FAIM2: variants seen among roughly 807,000 people sequenced by gnomAD.
FAIM2 encodes the protein Fas apoptotic inhibitory molecule 2, also known as protein lifeguard 2.
A neutral mutation model predicts 47.4 loss-of-function variants in FAIM2; 27 were observed. The observed-to-expected ratio is 0.57, with a 90% CI of 0.42 to 0.78. The LOEUF is 0.78. FAIM2 is among the 30% of genes least tolerant of loss of function. The pLI is 0.00. For missense variants in FAIM2, 311 were observed against 389.4 expected, an observed-to-expected ratio of 0.80 and a Z score of 1.69; for synonymous variants, 156 against 159.3, an observed-to-expected ratio of 0.98 and a Z score of 0.16.
In FAIM2 at chr12:49,890,668, C is replaced by T. The variant is rs1174586462; in HGVS notation, c.525+15G>A. 2.5e-6 allele frequency: 4 copies of T among 1,613,302 alleles called. No individual in the cohort carries two copies. Among genetic ancestry groups the T allele is most frequent in the South Asian group, 1.1e-5 (1 of 91,062 alleles). On this transcript the variant is annotated intron_variant, in intron 7 of 11. Coordinates refer to ENST00000320634, the MANE Select transcript of FAIM2 (RefSeq NM_012306.4). ...CCACTCAGCGTCTGTCCTCAGCACA[C>T]CCAGGATCACTTACAAAGACGGTCA...
At chr12:49,882,792 TG>T (rs1946835318) in intron 11 of FAIM2, among the ~76,000 whole-genome samples, 1 of 152,142 alleles carries the variant, frequency 6.6e-6, no homozygotes, top group Non-Finnish European at 1.5e-5. Flanking sequence ...AAACATCTCC[TG>T]GGTACCTACT....
chr12:49,878,782 A>G lies in FAIM2; in HGVS notation c.802-8129T>C, dbSNP rs1347789189. The stretch of plus-strand genomic sequence containing the variant: ...TATATTTATTTGTGTGCATGAGTGT[A>G]TGTGTGCCTGTGTGTATATGTGTGC... On this transcript the variant is annotated intron_variant, in intron 11 of 11. Coordinates refer to ENST00000320634, the MANE Select transcript of FAIM2 (RefSeq NM_012306.4). 4.0e-5 allele frequency among the ~76,000 whole-genome samples: 4 copies of G among 101,168 alleles called. 1 individual carries two copies. The highest frequency in any genetic ancestry group is 4.8e-5 in the African/African-American group (1 of 20,832). 66.4% of individuals were successfully genotyped at this position (101,168 alleles called of 152,430 possible). A position where few individuals can be genotyped will look rare whatever the true frequency, so the allele number is the denominator to read the frequency against.
chr12:49,895,976 A>T (rs2137104341), intron 5 of FAIM2, among the ~76,000 whole-genome samples: 1 of 152,334 alleles, frequency 6.6e-6, no homozygotes, highest in South Asian at 2.1e-4. Flanking sequence ...CAAATGTACC[A>T]CGTGCATTCT....
chr12:49,873,400 G>A (rs1482540742), intron 11 of FAIM2, among the ~76,000 whole-genome samples: 2 of 152,080 alleles, frequency 1.3e-5, no homozygotes, highest in Non-Finnish European at 2.9e-5. Context: ...GTTTGATTTG[G>A]ATTCCCAAGC....
rs1064722 is a variant in FAIM2 at position 49,867,546 on chromosome 12, G to T, written c.*2958C>A. 0.28 allele frequency: 43,309 copies of T among 152,026 alleles called. 6,839 individuals are homozygous for T. The highest frequency in any genetic ancestry group is 0.41 in the African/African-American group (17,041 of 41,446). The allele number at this position is 152,026 out of a possible 1,614,324, so 9.4% of individuals were successfully genotyped here. A position where few individuals can be genotyped will look rare whatever the true frequency, so the allele number is the denominator to read the frequency against. ...AGTCCCAGACTCGTGTGTGCCTCCCGGGCCCCCATCTGCAGCTTCCAGAAG... is the reference window on the plus strand; with the variant it reads ...AGTCCCAGACTCGTGTGTGCCTCCCTGGCCCCCATCTGCAGCTTCCAGAAG... On this transcript the variant is annotated 3_prime_UTR_variant, in exon 12 of 12. Coordinates refer to ENST00000320634, the MANE Select transcript of FAIM2 (RefSeq NM_012306.4).
intron 11 of FAIM2, 89 bp downstream of exon 11, chr12:49,887,297 G>T: frequency 8.3e-7 from 1 of 1,205,366 alleles, no homozygotes; most frequent in Admixed American, 2.0e-5. Context: ...CCAGGGAAGA[G>T]GGCTGTGAGG....
chr12:49,890,346 T>G (rs540054607), intron 7 of FAIM2, among the ~76,000 whole-genome samples, 192 bp from the exon 8 acceptor site: 1 of 152,258 alleles, frequency 6.6e-6, no homozygotes, highest in East Asian at 1.9e-4. Flanking sequence ...TCAGGCTCTG[T>G]GCCAGCTGTC....
At chr12:49,871,798 C>G (rs1269717694) in intron 11 of FAIM2, among the ~76,000 whole-genome samples, 2 of 152,020 alleles carry the variant, frequency 1.3e-5, no homozygotes, top group African/African-American at 4.8e-5. Context: ...TCCCGAGGAG[C>G]TAGGATTACA....
chr12:49,878,466 ATG>A (rs879775762), intron 11 of FAIM2, among the ~76,000 whole-genome samples: 2,449 of 88,746 alleles, frequency 0.028, 368 homozygotes, highest in South Asian at 0.047. Flanking sequence ...GTATGCATGT[ATG>A]TGTGTGTGCA....
chr12:49,897,459 C>A (rs1456381832), intron 4 of FAIM2, 60 bp downstream of exon 4: 7 of 1,514,480 alleles, frequency 4.6e-6, no homozygotes, highest in Non-Finnish European at 6.4e-6. Flanking sequence ...CATGGGTTCC[C>A]CGGCTCCAGG....
intron 11 of FAIM2, among the ~76,000 whole-genome samples, chr12:49,875,352 T>C (rs1946728961): frequency 6.6e-6 from 1 of 152,116 alleles, no homozygotes; most frequent in African/African-American, 2.4e-5. Context: ...GAGGGTGAGC[T>C]TGGGCTTTGG....
chr12:49,875,111 A>T (rs1315021660), intron 11 of FAIM2, among the ~76,000 whole-genome samples: 1 of 152,160 alleles, frequency 6.6e-6, no homozygotes, highest in Non-Finnish European at 1.5e-5. Context: ...TATATTTAAG[A>T]TTTTCCAAAA....
In FAIM2 at chr12:49,903,827, C is replaced by T; in HGVS notation, c.-35G>A. The T allele has an allele frequency of 6.6e-7, 1 of 1,525,254 alleles. No homozygotes were observed. Among genetic ancestry groups the T allele is most frequent in the Non-Finnish European group, 8.8e-7 (1 of 1,134,706 alleles). 94.5% of individuals were successfully genotyped at this position (1,525,254 alleles called of 1,614,324 possible). A position where few individuals can be genotyped will look rare whatever the true frequency, so the allele number is the denominator to read the frequency against. Reference sequence around the variant, plus strand: ...TCTCGGGGAAGGGGTCCCTGAGGCCCGGGTGGCCGCTTGGGTAACCGCAGC... The same window carrying T: ...TCTCGGGGAAGGGGTCCCTGAGGCCTGGGTGGCCGCTTGGGTAACCGCAGC... On this transcript the variant is annotated 5_prime_UTR_variant, in exon 1 of 12. Transcript: ENST00000320634.
intron 11 of FAIM2, among the ~76,000 whole-genome samples, chr12:49,878,798 A>ATGTGCGTCTGTG (rs1946769498): frequency 2.2e-5 from 2 of 89,850 alleles, no homozygotes; most frequent in African/African-American, 1.2e-4. Context: ...GCCTGTGTGT[A>ATGTGCGTCTGTG]TATGTGTGCA....
intron 11 of FAIM2, among the ~76,000 whole-genome samples, chr12:49,873,760 G>C (rs935948434): frequency 2.8e-4 from 42 of 152,206 alleles, no homozygotes; most frequent in Admixed American, 2.7e-3. Context: ...GCTTATCTAT[G>C]TGGTGTTCTC....
At chr12:49,872,738 G>C (rs1301054137) in intron 11 of FAIM2, among the ~76,000 whole-genome samples, 1 of 152,190 alleles carries the variant, frequency 6.6e-6, no homozygotes, top group Non-Finnish European at 1.5e-5. Context: ...TGGACTGCAG[G>C]CTCTGCTCTA....
intron 2 of FAIM2, chr12:49,900,104 G>T (rs1946971311): frequency 2.4e-6 from 2 of 828,872 alleles, no homozygotes; most frequent in African/African-American, 1.8e-5. Flanking sequence ...GAGAGGGAAA[G>T]TGGGCCGGCG....
intron 11 of FAIM2, among the ~76,000 whole-genome samples, chr12:49,884,835 A>G (rs1017773265): frequency 7.2e-5 from 11 of 152,208 alleles, no homozygotes; most frequent in African/African-American, 1.9e-4. Flanking sequence ...TTAGCAGGGC[A>G]TGGTGGCGGG....
intron 6 of FAIM2, 99 bp downstream of exon 6, chr12:49,890,965 C>T (rs927058403): frequency 1.9e-5 from 23 of 1,239,100 alleles, no homozygotes; most frequent in Admixed American, 8.5e-5. Context: ...GGGGCCCTCT[C>T]AGGGCTGCAC....
Sources: gnomAD v4.1 joint callset for allele counts (sites outside exome capture counted in the v4.1 genomes callset) on GRCh38, gnomAD v4.1.1 for gene constraint, MANE v1.5 for transcripts, NCBI Gene and HGNC (gene_info 2026-07-23, HGNC 2026-07-21) for gene names.